GPC6: variants seen among roughly 807,000 people sequenced by gnomAD.
The protein encoded by GPC6 is glypican-6.
GPC6 carries 14 observed loss-of-function variants against 55.2 expected under a neutral mutation model. The observed-to-expected ratio is 0.25, with a 90% CI of 0.17 to 0.40. The LOEUF is 0.40. GPC6 is among the 10% of genes least tolerant of loss of function. The pLI, the probability that GPC6 is intolerant of heterozygous loss-of-function variation, is 1.00. For synonymous variants in GPC6, 278 were observed against 259.6 expected, an observed-to-expected ratio of 1.07 and a Z score of -0.68; for missense variants, 641 against 708.5, an observed-to-expected ratio of 0.90 and a Z score of 1.08.
chr13:93,934,974 T>A (rs957057741), intron 3 of GPC6, among the ~76,000 whole-genome samples: 2 of 152,238 alleles, frequency 1.3e-5, no homozygotes, highest in African/African-American at 4.8e-5. Context: ...GTAGCACTTA[T>A]CAGTATTTCA....
At chr13:93,418,244 T>C (rs367667603) in intron 1 of GPC6, among the ~76,000 whole-genome samples, 2 of 151,920 alleles carry the variant, frequency 1.3e-5, no homozygotes, top group East Asian at 3.9e-4. Context: ...ATAAATGGAA[T>C]AAATAACCCC....
In GPC6 at chr13:94,099,981, G is replaced by A. The variant is rs376994637; in HGVS notation, c.877+72087G>A. On this transcript the variant is annotated intron_variant, in intron 4 of 8. Coordinates refer to ENST00000377047, the MANE Select transcript of GPC6 (RefSeq NM_005708.5). ...ACTTGAGGGTAGAGGGTGGGAGGAG[G>A]GAGAGGAGCAGGAAAGATAGCTATT... Among the ~76,000 whole-genome samples the A allele has an allele frequency of 1.4e-4, 21 of 152,046 alleles. 1 individual carries two copies. Among genetic ancestry groups the A allele is most frequent in the Non-Finnish European group, 2.2e-4 (15 of 67,990 alleles).
intron 2 of GPC6, among the ~76,000 whole-genome samples, chr13:93,572,353 G>A (rs749560077): frequency 6.6e-6 from 1 of 152,044 alleles, no homozygotes; most frequent in South Asian, 2.1e-4. Flanking sequence ...GGACGCTTGG[G>A]GATAAAATGA....
intron 4 of GPC6, among the ~76,000 whole-genome samples, chr13:94,191,124 C>A (rs970798640): frequency 6.6e-6 from 1 of 152,094 alleles, no homozygotes; most frequent in Non-Finnish European, 1.5e-5. Context: ...CTTTAAGCTG[C>A]AACGATGAAG....
intron 3 of GPC6, among the ~76,000 whole-genome samples, chr13:93,895,234 G>A (rs866881447): frequency 2.4e-4 from 26 of 108,164 alleles, no homozygotes; most frequent in African/African-American, 3.3e-4. Context: ...GTGTGTGTGT[G>A]TATATATATA....
chr13:93,646,792 G>A (rs1345007103), intron 2 of GPC6, among the ~76,000 whole-genome samples: 2 of 150,968 alleles, frequency 1.3e-5, no homozygotes, highest in East Asian at 1.9e-4. Context: ...TTGGCATCCT[G>A]TATCATGATG....
intron 5 of GPC6, among the ~76,000 whole-genome samples, chr13:94,288,068 G>A (rs902101216): frequency 3.3e-5 from 5 of 152,106 alleles, no homozygotes; most frequent in Non-Finnish European, 7.3e-5. Context: ...ACATGGCTTT[G>A]TACTGGGGAC....
At chr13:93,534,238 T>A (rs903197155) in intron 1 of GPC6, among the ~76,000 whole-genome samples, 3 of 152,178 alleles carry the variant, frequency 2.0e-5, no homozygotes, top group East Asian at 1.9e-4. Flanking sequence ...TTAGTAGCAA[T>A]CTTGCCATCA....
intron 1 of GPC6, among the ~76,000 whole-genome samples, chr13:93,287,486 G>T (rs1265175832): frequency 6.6e-6 from 1 of 152,168 alleles, no homozygotes; most frequent in Non-Finnish European, 1.5e-5. Flanking sequence ...TTTACTCTTG[G>T]AAATGCCAGT....
chr13:93,609,897 C>A (rs9589793), intron 2 of GPC6, among the ~76,000 whole-genome samples: 8,306 of 152,154 alleles, frequency 0.055, 797 homozygotes, highest in African/African-American at 0.19. Flanking sequence ...GATAAAGCAA[C>A]CGACAATACT....
intron 4 of GPC6, among the ~76,000 whole-genome samples, chr13:94,207,655 G>C (rs1057428076): frequency 1.3e-5 from 2 of 152,014 alleles, no homozygotes; most frequent in Non-Finnish European, 2.9e-5. Flanking sequence ...TTCCCCCTTA[G>C]GTGATGACCA....
chr13:93,354,799 C>A (rs994540266), intron 1 of GPC6, among the ~76,000 whole-genome samples: 1 of 152,072 alleles, frequency 6.6e-6, no homozygotes, highest in Non-Finnish European at 1.5e-5. Context: ...TCCAGCTGTG[C>A]GTGGACAGAG....
intron 4 of GPC6, among the ~76,000 whole-genome samples, chr13:94,043,112 A>T (rs919535292): frequency 4.6e-5 from 7 of 151,716 alleles, no homozygotes; most frequent in Non-Finnish European, 8.8e-5. Context: ...TCTCATTTTT[A>T]CCATTACAAG....
chr13:93,770,009 T>C (rs1374546376), intron 2 of GPC6, among the ~76,000 whole-genome samples: 1 of 152,180 alleles, frequency 6.6e-6, no homozygotes, highest in Non-Finnish European at 1.5e-5. Flanking sequence ...AAGGATTTCC[T>C]GAGCTGTGTG....
chr13:93,872,129 A>G (rs964517163), intron 3 of GPC6, among the ~76,000 whole-genome samples: 3 of 151,964 alleles, frequency 2.0e-5, no homozygotes, highest in Non-Finnish European at 4.4e-5. Context: ...TTGAAATATC[A>G]AAAGAGATTA....
At chr13:93,439,722 A>AAT (rs1393716956) in intron 1 of GPC6, among the ~76,000 whole-genome samples, 2 of 150,854 alleles carry the variant, frequency 1.3e-5, no homozygotes, top group African/African-American at 5.0e-5. Context: ...AATAAAATAA[A>AAT]ACACCAAGCT....
intron 2 of GPC6, among the ~76,000 whole-genome samples, chr13:93,747,701 C>G (rs1029619654): frequency 6.6e-6 from 1 of 152,174 alleles, no homozygotes; most frequent in Non-Finnish European, 1.5e-5. Flanking sequence ...TTTTACCTAA[C>G]TGTGGGCTAA....
chr13:93,323,856 T>A (rs1324692783), intron 1 of GPC6, among the ~76,000 whole-genome samples: 1 of 152,146 alleles, frequency 6.6e-6, no homozygotes, highest in Non-Finnish European at 1.5e-5. Context: ...TGCCAGTTAG[T>A]ACAACCACTA....
intron 4 of GPC6, among the ~76,000 whole-genome samples, chr13:94,185,499 A>G (rs1033828670): frequency 4.0e-5 from 6 of 151,736 alleles, no homozygotes; most frequent in African/African-American, 9.7e-5. Flanking sequence ...TGAAATTCAT[A>G]TATTATATAT....
Sources: allele counts gnomAD v4.1 joint callset (sites outside exome capture counted in the v4.1 genomes callset), GRCh38; gene constraint gnomAD v4.1.1; transcripts MANE v1.5; gene names NCBI Gene and HGNC (gene_info 2026-07-23, HGNC 2026-07-21).